PPP4R3B: variants seen among roughly 807,000 people sequenced by gnomAD.
PPP4R3B encodes the protein protein phosphatase 4 regulatory subunit 3B, also known as serine/threonine-protein phosphatase 4 regulatory subunit 3B.
PPP4R3B carries 52 observed loss-of-function variants against 95.4 expected under a neutral mutation model. The observed-to-expected ratio is 0.54, with a 90% CI of 0.44 to 0.69. PPP4R3B has a LOEUF of 0.69. PPP4R3B is among the 30% of genes least tolerant of loss of function. The pLI is 0.00. For synonymous variants in PPP4R3B, 407 were observed against 343.9 expected, an observed-to-expected ratio of 1.18 and a Z score of -2.03; for missense variants, 1,003 against 1,005.9, an observed-to-expected ratio of 1.00 and a Z score of 0.04.
rs1415220876 is a variant in PPP4R3B, at chr2:55,568,291, T to C, written c.1838A>G (p.Asn613Ser). The change falls in exon 13 of 17, where the codon AAT becomes AGT. Residue 613 changes from asparagine to serine, a missense_variant. Physicochemically the swap from Asn to Ser is conservative, Grantham distance 46 (BLOSUM62 1). This residue lies in a region of PPP4R3B where 79 missense variants were observed against 124.9 expected (regional missense o/e 0.63). Coordinates refer to ENST00000616407, the MANE Select transcript of PPP4R3B (RefSeq NM_001122964.3). ...EFYNRYITKG[N>S]LFEPVINALL... Reference sequence around the variant, plus strand: ...TGCATTTATAACTGGCTCAAAAAGATTTCCCTTGGTGATGTAACGATTATA... The same window carrying C: ...TGCATTTATAACTGGCTCAAAAAGACTTCCCTTGGTGATGTAACGATTATA... 1.2e-6 allele frequency: 2 copies of C among 1,611,120 alleles called. No individual in the cohort carries two copies. The highest frequency in any genetic ancestry group is 8.5e-7 in the Non-Finnish European group (1 of 1,178,574).
intron 16 of PPP4R3B, among the ~76,000 whole-genome samples, chr2:55,558,212 T>C (rs1686099540): frequency 6.6e-6 from 1 of 152,194 alleles, no homozygotes; most frequent in African/African-American, 2.4e-5. Flanking sequence ...GACGTTCTAC[T>C]ACTAAACTAT....
chr2:55,557,430 C>T (rs1432853701), intron 16 of PPP4R3B, among the ~76,000 whole-genome samples: 3 of 152,182 alleles, frequency 2.0e-5, no homozygotes, highest in African/African-American at 4.8e-5. Flanking sequence ...TGCGCTCAAG[C>T]GATCCTCCTG....
intron 3 of PPP4R3B, among the ~76,000 whole-genome samples, chr2:55,600,387 C>T (rs1041522922): frequency 1.3e-4 from 16 of 127,078 alleles, no homozygotes; most frequent in Admixed American, 4.0e-4. Context: ...GATCACACCA[C>T]TGCACTCTTG....
intron 13 of PPP4R3B, among the ~76,000 whole-genome samples, chr2:55,566,022 A>G (rs1687250209): frequency 6.6e-6 from 1 of 152,226 alleles, no homozygotes; most frequent in South Asian, 2.1e-4. Flanking sequence ...TGATAGTAAT[A>G]ACTTCTAAAT....
At chr2:55,597,605 G>A (rs1421989269) in intron 4 of PPP4R3B, among the ~76,000 whole-genome samples, 2 of 147,606 alleles carry the variant, frequency 1.4e-5, no homozygotes, top group African/African-American at 2.5e-5. Context: ...CTGGGCGACC[G>A]AGCAAGACTC....
chr2:55,615,302 G>T, intron 2 of PPP4R3B, 149 bp downstream of exon 2: 2 of 658,420 alleles, frequency 3.0e-6, no homozygotes, highest in Non-Finnish European at 5.1e-6. Context: ...TTTTCAGTCT[G>T]AAACTTTTAA....
At chr2:55,561,295 T>C (rs559301404) in intron 15 of PPP4R3B, among the ~76,000 whole-genome samples, 20 of 152,230 alleles carry the variant, frequency 1.3e-4, no homozygotes, top group Middle Eastern at 3.4e-3. Context: ...AGAAGACATA[T>C]AGAAATGCCT....
intron 8 of PPP4R3B, 102 bp from the exon 9 acceptor site, chr2:55,579,883 A>T: frequency 3.2e-6 from 2 of 621,582 alleles, no homozygotes; most frequent in Non-Finnish European, 5.4e-6. Flanking sequence ...CAAAACAAAA[A>T]GAATTAGCAG....
intron 6 of PPP4R3B, 137 bp downstream of exon 6, chr2:55,586,481 T>C (rs1364893289): frequency 2.7e-5 from 14 of 525,294 alleles, no homozygotes; most frequent in East Asian, 6.4e-5. Context: ...AATCTGAAAC[T>C]GAAGATATTC....
chr2:55,557,573 A>T (rs372346455), intron 16 of PPP4R3B, among the ~76,000 whole-genome samples: 7 of 152,294 alleles, frequency 4.6e-5, no homozygotes, highest in East Asian at 1.9e-4. Flanking sequence ...AAAAACATAA[A>T]ATATGTTTCA....
At chr2:55,575,754 A>C (rs1395503685) in intron 11 of PPP4R3B, among the ~76,000 whole-genome samples, 1 of 152,208 alleles carries the variant, frequency 6.6e-6, no homozygotes, top group Non-Finnish European at 1.5e-5. Context: ...GGAAATATTA[A>C]GCTGTAAGGA....
At chr2:55,569,598 G>T (rs777147135) in intron 12 of PPP4R3B, among the ~76,000 whole-genome samples, 1 of 152,078 alleles carries the variant, frequency 6.6e-6, no homozygotes, top group Non-Finnish European at 1.5e-5. Flanking sequence ...TCTCTGCCTC[G>T]GCTGCCAGGC....
At chr2:55,555,908 A>C (rs753494131) in intron 16 of PPP4R3B, among the ~76,000 whole-genome samples, 4 of 152,228 alleles carry the variant, frequency 2.6e-5, no homozygotes, top group Non-Finnish European at 5.9e-5. Context: ...ATGGCTTCTC[A>C]TTCTGATTTT....
rs561478971 is a variant in PPP4R3B at position 55,605,647 on chromosome 2, C to G, written c.199-1571G>C. ...TTCTGGCCAGGTGCGAAGGCTCACACCTGTAATCCCAACACTTTGGGAGGC... is the reference window on the plus strand; with the variant it reads ...TTCTGGCCAGGTGCGAAGGCTCACAGCTGTAATCCCAACACTTTGGGAGGC... On this transcript the variant is annotated intron_variant, in intron 2 of 16. Coordinates refer to ENST00000616407, the MANE Select transcript of PPP4R3B (RefSeq NM_001122964.3). Among the ~76,000 whole-genome samples the G allele has an allele frequency of 2.6e-5, 4 of 152,238 alleles. No individual in the cohort carries two copies. In the East Asian group the frequency reaches 5.8e-4, roughly 22 times the overall value.
intron 16 of PPP4R3B, among the ~76,000 whole-genome samples, chr2:55,553,877 C>G (rs1213474215): frequency 6.6e-6 from 1 of 152,108 alleles, no homozygotes; most frequent in African/African-American, 2.4e-5. Context: ...GTTATTCTTA[C>G]TTTTTGGCTA....
Position 55,591,690 on chromosome 2 carries a change from G to A in PPP4R3B, c.922-2734C>T, listed in dbSNP as rs1444748562. The A allele has an allele frequency of 6.1e-6, 6 of 979,528 alleles. 1 individual carries two copies. In the East Asian group the frequency reaches 5.7e-4, roughly 93 times the overall value. The allele number at this position is 979,528 out of a possible 1,614,324, so 60.7% of individuals were successfully genotyped here. ...TGATTCGGTACTTGTGAGCTGATAA[G>A]TAGAACTGCATAAAATATTACAGAT... On this transcript the variant is annotated intron_variant, in intron 4 of 16. Transcript: ENST00000616407.
intron 16 of PPP4R3B, among the ~76,000 whole-genome samples, chr2:55,558,397 C>G (rs981657239): frequency 1.3e-5 from 2 of 152,068 alleles, no homozygotes; most frequent in Non-Finnish European, 2.9e-5. Flanking sequence ...AACATGAGGT[C>G]AAGAGATCGA....
At chr2:55,555,258 C>G (rs1369689005) in intron 16 of PPP4R3B, among the ~76,000 whole-genome samples, 1 of 112,106 alleles carries the variant, frequency 8.9e-6, no homozygotes, top group Non-Finnish European at 1.8e-5. Context: ...CCAGCCTGGG[C>G]AACAGAACAA....
chr2:55,585,714 A>G (rs1006670404), intron 6 of PPP4R3B, among the ~76,000 whole-genome samples: 5 of 152,138 alleles, frequency 3.3e-5, no homozygotes, highest in South Asian at 2.1e-4. Context: ...CCTCCAACAC[A>G]TGAAGAGTAC....
Sources: gnomAD v4.1 joint callset for allele counts (sites outside exome capture counted in the v4.1 genomes callset) on GRCh38, gnomAD v4.1.1 for gene constraint, gnomAD v4.1.1 regional missense constraint, MANE v1.5 for transcripts, NCBI Gene and HGNC (gene_info 2026-07-23, HGNC 2026-07-21) for gene names.